The following RASGRF1 variants were observed in gnomAD, a reference collection of about 807,000 sequenced individuals.
RASGRF1 encodes ras-specific guanine nucleotide-releasing factor 1.
In RASGRF1, 40 loss-of-function variants were observed where a neutral mutation model predicts 138.7. The observed-to-expected ratio is 0.29, with a 90% CI of 0.22 to 0.38. The LOEUF (loss-of-function observed/expected upper bound fraction) is 0.38, where lower values mean the gene tolerates loss of function less well. Ranked by LOEUF, RASGRF1 falls within the 10% of genes least tolerant of loss-of-function variation. RASGRF1 has a pLI of 1.00. For synonymous variants in RASGRF1, 614 were observed against 663.2 expected, an observed-to-expected ratio of 0.93 and a Z score of 1.14; for missense variants, 1,108 against 1,650.4, an observed-to-expected ratio of 0.67 and a Z score of 5.69.
At chr15:79,012,529 T>C in intron 13 of RASGRF1, 1 of 1,614,070 alleles carries the variant, frequency 6.2e-7, no homozygotes, top group Non-Finnish European at 8.5e-7. Context: ...CTGGTCCTCC[T>C]GTGAAGAAAA....
At chr15:79,065,597 G>A (rs1447637313) in intron 1 of RASGRF1, among the ~76,000 whole-genome samples, 1 of 152,044 alleles carries the variant, frequency 6.6e-6, no homozygotes, top group Non-Finnish European at 1.5e-5. Flanking sequence ...AGAGGGATTC[G>A]TCGGAGAGAG....
chr15:79,090,646 G>T lies in RASGRF1; in HGVS notation c.-148C>A. 1 of 1,142,528 alleles carries T rather than the reference G, an allele frequency of 8.8e-7. No homozygotes were observed. The highest frequency in any genetic ancestry group is 1.2e-6 in the Non-Finnish European group (1 of 819,046). 70.8% of individuals were successfully genotyped at this position (1,142,528 alleles called of 1,614,324 possible). ...CTCCCCCCAAATATCTACACTCCAG[G>T]ATCTGGCGCCGAGCCGCGGCTTCTT... On this transcript the variant is annotated 5_prime_UTR_variant, in exon 1 of 27. Coordinates refer to ENST00000558480, the MANE Select transcript of RASGRF1 (RefSeq NM_001145648.3).
chr15:79,061,903 T>C (rs749887884), intron 2 of RASGRF1, among the ~76,000 whole-genome samples: 2 of 152,198 alleles, frequency 1.3e-5, no homozygotes, highest in Middle Eastern at 3.2e-3. Context: ...TCTTTTCATT[T>C]CTCTTGGATA....
intron 26 of RASGRF1, among the ~76,000 whole-genome samples, chr15:78,964,198 G>A (rs1219838697): frequency 2.6e-5 from 4 of 151,610 alleles, no homozygotes; most frequent in Admixed American, 2.0e-4. Flanking sequence ...TTTTGAGGGG[G>A]AATTTCATTC....
intron 5 of RASGRF1, among the ~76,000 whole-genome samples, chr15:79,042,912 A>G (rs2141019137): frequency 1.3e-5 from 2 of 152,370 alleles, no homozygotes; most frequent in Middle Eastern, 3.4e-3. Flanking sequence ...GCAAAAAAGC[A>G]TAGAGCTTAA....
intron 1 of RASGRF1, among the ~76,000 whole-genome samples, chr15:79,089,540 G>C (rs1398576776): frequency 6.6e-6 from 1 of 152,220 alleles, no homozygotes; most frequent in African/African-American, 2.4e-5. Context: ...ACTTCGTCCC[G>C]CTGCCTCCGC....
rs760881874 is a variant in RASGRF1 at position 78,980,625 on chromosome 15, C to T, written c.3489G>A (p.Leu1163=). 4 of 1,599,822 alleles carry T rather than the reference C, an allele frequency of 2.5e-6. No homozygotes were observed. In the African/African-American group the frequency reaches 4.0e-5, roughly 16 times the overall value. ...EGRFKNLREA[L]KNCDPPCVPY... is the part of the protein sequence containing the mutation. ...ACAAAACGACACACACTTACTTTTTCAGAGCTTCTCTGAGATTCTTAAATC... is the reference window on the plus strand; with the variant it reads ...ACAAAACGACACACACTTACTTTTTTAGAGCTTCTCTGAGATTCTTAAATC... Residue 1163 remains leucine (L), a synonymous_variant, in exon 24 of 27, where the codon CTG becomes CTA. Transcript: ENST00000558480.
At position 79,075,661 on chromosome 15, in the gene RASGRF1, T is replaced by G. The variant is rs559929468; in HGVS notation, c.277-11135A>C. 5.3e-5 allele frequency among the ~76,000 whole-genome samples: 8 copies of G among 152,280 alleles called. No homozygotes were observed. In the East Asian group the frequency reaches 1.5e-3, roughly 29 times the overall value. On this transcript the variant is annotated intron_variant, in intron 1 of 26. Coordinates refer to ENST00000558480, the MANE Select transcript of RASGRF1 (RefSeq NM_001145648.3). ...CAGTGGGGTGACCAACTGTCCTGGG[T>G]TTGCCTGAGACTAATGAGTTTCCTG...
intron 1 of RASGRF1, among the ~76,000 whole-genome samples, chr15:79,088,429 T>G (rs747323629): frequency 1.3e-5 from 2 of 152,204 alleles, no homozygotes; most frequent in Non-Finnish European, 2.9e-5. Context: ...TTTTGTAGAT[T>G]ACAAAATGGA....
chr15:79,049,694 T>A, intron 3 of RASGRF1, 106 bp from the exon 4 acceptor site: 1 of 853,538 alleles, frequency 1.2e-6, no homozygotes, highest in Non-Finnish European at 1.8e-6. Flanking sequence ...GTGCCCTGCC[T>A]CTTCTTCCCC....
intron 19 of RASGRF1, among the ~76,000 whole-genome samples, chr15:78,996,738 G>A (rs995615183): frequency 3.4e-5 from 4 of 116,578 alleles, no homozygotes; most frequent in Admixed American, 9.2e-5. Context: ...GTGTGTGTGC[G>A]TGTGTGTGTG....
chr15:79,047,836 A>G (rs1012999903), intron 4 of RASGRF1, among the ~76,000 whole-genome samples: 4 of 152,152 alleles, frequency 2.6e-5, no homozygotes, highest in Admixed American at 2.6e-4. Context: ...GGGTACTGGG[A>G]TCAGGCAGAG....
rs1742967469 is a variant in RASGRF1 at position 78,991,714 on chromosome 15, G to A, written c.3108C>T (p.Leu1036=). 3 of 1,614,054 alleles carry A rather than the reference G, an allele frequency of 1.9e-6. No homozygotes were observed. The highest frequency in any genetic ancestry group is 1.6e-4 in the Middle Eastern group (1 of 6,062). Reference sequence around the variant, plus strand: ...ACTCATAAGGAATCTTCTTGAAGACGAGGTGATCTAGCAGGGTCAGCTGCT... The same window carrying A: ...ACTCATAAGGAATCTTCTTGAAGACAAGGTGATCTAGCAGGGTCAGCTGCT... ...IAEQLTLLDH[L]VFKKIPYEEF... is the part of the protein sequence containing the mutation. Residue 1036 remains leucine, a synonymous_variant, in exon 21 of 27, where the codon CTC becomes CTT. Coordinates refer to ENST00000558480, the MANE Select transcript of RASGRF1 (RefSeq NM_001145648.3).
intron 26 of RASGRF1, among the ~76,000 whole-genome samples, chr15:78,962,468 A>C (rs1473905688): frequency 6.6e-6 from 1 of 152,244 alleles, no homozygotes; most frequent in African/African-American, 2.4e-5. Flanking sequence ...AGGCTGGTAC[A>C]AAAGTAAAAA....
At chr15:78,993,156 CTGTGGGTGATGTGTGT>C (rs2141665597) in intron 20 of RASGRF1, among the ~76,000 whole-genome samples, 1 of 92,054 alleles carries the variant, frequency 1.1e-5, no homozygotes, top group Non-Finnish European at 2.3e-5. Context: ...TGTGGTGTGC[CTGTGGGTGATGTGTGT>C]ATGTGGTGTG....
intron 1 of RASGRF1, among the ~76,000 whole-genome samples, chr15:79,065,679 G>C (rs1294617707): frequency 6.6e-6 from 1 of 151,994 alleles, no homozygotes; most frequent in Admixed American, 6.6e-5. Flanking sequence ...AGAGAGGCAG[G>C]GGGTGAGGTA....
intron 19 of RASGRF1, chr15:78,997,845 G>A (rs2056428896): frequency 1.9e-6 from 1 of 512,878 alleles, no homozygotes; most frequent in African/African-American, 1.9e-5. Context: ...ATGGAGAAGT[G>A]TGCTGGGTTC....
At chr15:78,978,599 A>C in intron 24 of RASGRF1, 1 of 990,544 alleles carries the variant, frequency 1.0e-6, no homozygotes. Context: ...CAACATGGTG[A>C]GGCCCATAGC....
rs143931572 is a variant in RASGRF1 at position 79,006,998 on chromosome 15, C to T, written c.1827-564G>A. 6.0e-4 allele frequency among the ~76,000 whole-genome samples: 92 copies of T among 152,132 alleles called. No individual in the cohort carries two copies. Among genetic ancestry groups the T allele is most frequent in the African/African-American group, 2.1e-3 (89 of 41,500 alleles). ...CTGCCCTCCAGCCTGGGTGACACAG[C>T]GAGACTCTGCCTCAAAAAAAAATAT... On this transcript the variant is annotated intron_variant, in intron 13 of 26. Coordinates refer to ENST00000558480, the MANE Select transcript of RASGRF1 (RefSeq NM_001145648.3). The surrounding 1 kb of genome is among the most constrained non-coding windows in gnomAD (Gnocchi z 4.0).
Sources: gnomAD v4.1 joint callset for allele counts (sites outside exome capture counted in the v4.1 genomes callset) on GRCh38, gnomAD v4.1.1 for gene constraint, Gnocchi (gnomAD v3.1) non-coding constraint, MANE v1.5 for transcripts, NCBI Gene and HGNC (gene_info 2026-07-23, HGNC 2026-07-21) for gene names.